Variants in SPMIP4 observed in about 807,000 individuals in gnomAD.
SPMIP4 encodes sperm-associated microtubule inner protein 4.
the SPMIP4 span, chr7:25,142,349 C>T: frequency 3.1e-4 from 480 of 1,534,588 alleles, 3 homozygotes; most frequent in South Asian, 5.0e-3. Flanking sequence ...GGAAACATCA[C>T]CTTATTATTT....
the SPMIP4 span, among the ~76,000 whole-genome samples, chr7:25,171,696 C>A: frequency 1.3e-5 from 2 of 152,182 alleles, no homozygotes; most frequent in African/African-American, 4.8e-5. Flanking sequence ...GCCACTTCTG[C>A]CCTTAGGGCA....
At chr7:25,148,552 G>A in the SPMIP4 span, among the ~76,000 whole-genome samples, 1 of 149,526 alleles carries the variant, frequency 6.7e-6, no homozygotes, top group African/African-American at 2.5e-5. Context: ...TCGGGTCACT[G>A]CAGCCTCTGC....
chr7:25,164,855 C>T, the SPMIP4 span, among the ~76,000 whole-genome samples: 1 of 152,184 alleles, frequency 6.6e-6, no homozygotes, highest in Admixed American at 6.5e-5. Flanking sequence ...TTAGCTCCAA[C>T]TTCTAGGTGA....
chr7:25,152,013 G>C, the SPMIP4 span, among the ~76,000 whole-genome samples: 1 of 152,158 alleles, frequency 6.6e-6, no homozygotes, highest in African/African-American at 2.4e-5. Context: ...AGCATGTGCA[G>C]GAGCAGCATG....
chr7:25,153,409 C>G, the SPMIP4 span, among the ~76,000 whole-genome samples: 1 of 150,440 alleles, frequency 6.6e-6, no homozygotes, highest in African/African-American at 2.4e-5. Flanking sequence ...ACTAAAAATA[C>G]AAAAACTAGG....
the SPMIP4 span, among the ~76,000 whole-genome samples, chr7:25,139,404 A>AT: frequency 0.033 from 4,939 of 148,452 alleles, 240 homozygotes; most frequent in African/African-American, 0.11. Context: ...TTAATTATAC[A>AT]TTTTTTTTTT....
chr7:25,151,000 G>A, the SPMIP4 span, among the ~76,000 whole-genome samples: 5 of 152,122 alleles, frequency 3.3e-5, no homozygotes, highest in African/African-American at 4.8e-5. Context: ...TATTTGGAGT[G>A]ACTGGAGGTA....
At chr7:25,129,517 TGGTGTA>T in the SPMIP4 span, among the ~76,000 whole-genome samples, 1 of 152,160 alleles carries the variant, frequency 6.6e-6, no homozygotes, top group Admixed American at 6.5e-5. Context: ...GTGGAAGGGG[TGGTGTA>T]GGCAATCCAA....
chr7:25,151,378 C>T, the SPMIP4 span, among the ~76,000 whole-genome samples: 1 of 152,044 alleles, frequency 6.6e-6, no homozygotes, highest in Admixed American at 6.6e-5. Flanking sequence ...TGCACCACCA[C>T]ACCCGGCTAA....
At chr7:25,157,428 C>T in the SPMIP4 span, among the ~76,000 whole-genome samples, 1,771 of 152,092 alleles carry the variant, frequency 0.012, 39 homozygotes, top group African/African-American at 0.04. Context: ...AGTGTGTGTG[C>T]AGCGGGGAAA....
At chr7:25,148,529 C>T in the SPMIP4 span, among the ~76,000 whole-genome samples, 436 of 137,418 alleles carry the variant, frequency 3.2e-3, 1 homozygote, top group Non-Finnish European at 5.2e-3. Context: ...GGCTGGAGTG[C>T]AGTGGTGCCA....
chr7:25,125,998 G>A, the SPMIP4 span: 1 of 967,290 alleles, frequency 1.0e-6, no homozygotes, highest in East Asian at 1.1e-4. Context: ...AAATTAAGAG[G>A]ATGCAATGAT....
the SPMIP4 span, among the ~76,000 whole-genome samples, chr7:25,126,838 G>C: frequency 6.6e-6 from 1 of 152,146 alleles, no homozygotes; most frequent in Admixed American, 6.5e-5. Flanking sequence ...TCAGACTGAG[G>C]AACTCCCTTT....
chr7:25,136,913 T>TTAGTATCAAAG, the SPMIP4 span: 1 of 927,016 alleles, frequency 1.1e-6, no homozygotes, highest in African/African-American at 1.7e-5. The surrounding 1 kb of genome is among the most constrained non-coding windows in gnomAD (Gnocchi z 5.7). Flanking sequence ...GGAGTGTACA[T>TTAGTATCAAAG]TGCAATGCTC....
At chr7:25,136,206 G>A in the SPMIP4 span, 1 of 1,614,012 alleles carries the variant, frequency 6.2e-7, no homozygotes, top group African/African-American at 1.3e-5. This position sits in a 1 kb window ranked among gnomAD's most constrained non-coding sequence, Gnocchi z 5.7. Context: ...CCATATTCAA[G>A]AACAACTCTT....
the SPMIP4 span, among the ~76,000 whole-genome samples, chr7:25,129,788 GTTC>G: frequency 3.3e-5 from 5 of 152,172 alleles, no homozygotes; most frequent in Non-Finnish European, 5.9e-5. Context: ...AGCCCAATGG[GTTC>G]TTCTTGCCTG....
At chr7:25,141,062 T>C in the SPMIP4 span, among the ~76,000 whole-genome samples, 1 of 152,236 alleles carries the variant, frequency 6.6e-6, no homozygotes, top group Non-Finnish European at 1.5e-5. Context: ...GGTCATTTCA[T>C]CTCATTTACA....
chr7:25,150,171 G>A, the SPMIP4 span, among the ~76,000 whole-genome samples: 2 of 152,168 alleles, frequency 1.3e-5, no homozygotes, highest in Non-Finnish European at 1.5e-5. Context: ...CTCAGGCAGA[G>A]GGGAGCTATT....
the SPMIP4 span, among the ~76,000 whole-genome samples, chr7:25,130,016 T>A: frequency 6.6e-6 from 1 of 151,840 alleles, no homozygotes; most frequent in East Asian, 2.0e-4. Context: ...GGCGGGTGGA[T>A]CACTTGATGT....
Sources: gnomAD v4.1 joint callset for allele counts (sites outside exome capture counted in the v4.1 genomes callset) on GRCh38, gnomAD v4.1.1 for gene constraint, Gnocchi (gnomAD v3.1) non-coding constraint, MANE v1.5 for transcripts, NCBI Gene and HGNC (gene_info 2026-07-23, HGNC 2026-07-21) for gene names.